Variants in WASL observed in about 807,000 individuals in gnomAD.
WASL encodes the protein actin nucleation-promoting factor WASL.
In WASL, 20 loss-of-function variants were observed where a neutral mutation model predicts 55.5. The observed-to-expected ratio is 0.36, with a 90% confidence interval of 0.25 to 0.52. The LOEUF is 0.52. Ranked by LOEUF, WASL falls within the 20% of genes least tolerant of loss-of-function variation. The pLI, the probability that WASL is intolerant of heterozygous loss-of-function variation, is 0.92. For missense variants in WASL, 504 were observed against 622.5 expected (o/e 0.81, Z 2.03); for synonymous variants, 249 against 217.6 (o/e 1.14, Z -1.27).
intron 1 of WASL, among the ~76,000 whole-genome samples, chr7:123,725,734 C>T (rs11770041): frequency 0.43 from 65,800 of 151,904 alleles, 14,796 homozygotes; most frequent in South Asian, 0.66. Context: ...GAGGTAGAAA[C>T]TCAAAGAACA....
intron 1 of WASL, among the ~76,000 whole-genome samples, chr7:123,729,892 T>C (rs1460105230): frequency 1.3e-5 from 2 of 152,094 alleles, no homozygotes; most frequent in African/African-American, 2.4e-5. Context: ...ATTAGGAGCA[T>C]GAAACAAGGC....
intron 1 of WASL, among the ~76,000 whole-genome samples, chr7:123,734,687 T>TA (rs1804197081): frequency 6.6e-6 from 1 of 151,760 alleles, no homozygotes; most frequent in Non-Finnish European, 1.5e-5. Flanking sequence ...GTAGGGCAGT[T>TA]AAACTATTCT....
chr7:123,739,859 C>A (rs1277072436), intron 1 of WASL, among the ~76,000 whole-genome samples: 2 of 148,520 alleles, frequency 1.3e-5, no homozygotes, highest in Admixed American at 6.8e-5. Flanking sequence ...TTATTCAAAT[C>A]TTTTATACAT....
At chr7:123,711,099 C>T (rs1803747722) in intron 1 of WASL, among the ~76,000 whole-genome samples, 2 of 152,086 alleles carry the variant, frequency 1.3e-5, no homozygotes, top group African/African-American at 4.8e-5. Flanking sequence ...CCCTACTTCG[C>T]TTTTTACCAG....
chr7:123,748,490 G>A (rs1422639551), intron 1 of WASL, 128 bp downstream of exon 1: 1 of 904,754 alleles, frequency 1.1e-6, no homozygotes, highest in Non-Finnish European at 1.6e-6. Context: ...GGCCGGGGCC[G>A]GGGCCGGGGC....
chr7:123,737,512 CT>C (rs1804255506), intron 1 of WASL, among the ~76,000 whole-genome samples: 1 of 148,468 alleles, frequency 6.7e-6, no homozygotes, highest in Admixed American at 6.9e-5. Context: ...AGGAGAATCT[CT>C]TGACCTGGGA....
At position 123,748,946 on chromosome 7, in the gene WASL, G is replaced by C. The variant is rs1165868406; in HGVS notation, c.-212C>G. 7 of 567,666 alleles carry C rather than the reference G, an allele frequency of 1.2e-5. No homozygotes were observed. Among genetic ancestry groups the C allele is most frequent in the Admixed American group, 3.3e-5 (1 of 30,298 alleles). 35.2% of individuals were successfully genotyped at this position (567,666 alleles called of 1,614,324 possible). ...CCGCGCTGAGAAAGGGAAGCTCCCG[G>C]CACCCGCCCGGCCAGGCTAGGGCCG... On this transcript the variant is annotated 5_prime_UTR_variant, in exon 1 of 11. Transcript: ENST00000223023.
chr7:123,733,065 TG>T (rs1176712197), intron 1 of WASL, among the ~76,000 whole-genome samples: 2 of 152,180 alleles, frequency 1.3e-5, no homozygotes, highest in African/African-American at 4.8e-5. Flanking sequence ...CCATACTTAC[TG>T]GAGAAAAAGT....
intron 1 of WASL, among the ~76,000 whole-genome samples, chr7:123,747,059 G>A (rs1804444358): frequency 6.6e-6 from 1 of 151,974 alleles, no homozygotes; most frequent in Non-Finnish European, 1.5e-5. Context: ...AGTTTTTGGT[G>A]AAAAAGGCAA....
chr7:123,706,774 C>T lies in WASL; in HGVS notation c.305G>A (p.Ser102Asn). The T allele has an allele frequency of 6.3e-7, 1 of 1,579,798 alleles. No homozygotes were observed. Among genetic ancestry groups the T allele is most frequent in the Non-Finnish European group, 8.6e-7 (1 of 1,168,876 alleles). ...QELYNNFVYN[S>N]PRGYFHTFAG... The stretch of plus-strand genomic sequence containing the variant: ...AAAGGTATGAAAATATCCTCTAGGA[C>T]TATTATATACAAAGTTATTGTATAG... Residue 102 changes from serine (S) to asparagine (N), a missense_variant, in exon 3 of 11, where the codon AGT becomes AAT. Around this residue, in one of 5 missense-constraint regions of WASL, gnomAD observed 230 missense variants for 271.9 expected, o/e 0.85. Transcript: ENST00000223023.
At chr7:123,722,025 G>GGGAGGGTACTGTTAGTTTCTGGACTCATC (rs1213545748) in intron 1 of WASL, among the ~76,000 whole-genome samples, 18 of 152,094 alleles carry the variant, frequency 1.2e-4, no homozygotes, top group African/African-American at 4.3e-4. Context: ...AGGGGCAGGC[G>GGGAGGGTACTGTTAGTTTCTGGACTCATC]GGAGGGTACT....
At chr7:123,720,406 C>A (rs1349177938) in intron 1 of WASL, 1 of 431,050 alleles carries the variant, frequency 2.3e-6, no homozygotes, top group East Asian at 7.0e-5. Context: ...ACACTGTTAT[C>A]TGAATAAAAG....
chr7:123,733,150 A>C (rs1301714365), intron 1 of WASL, among the ~76,000 whole-genome samples: 2 of 152,204 alleles, frequency 1.3e-5, no homozygotes, highest in Non-Finnish European at 2.9e-5. Context: ...ATATCCTTCT[A>C]GAAGTTCTAG....
intron 10 of WASL, 67 bp from the exon 11 acceptor site, chr7:123,684,647 G>A: frequency 3.5e-6 from 5 of 1,449,084 alleles, no homozygotes; most frequent in South Asian, 1.4e-5. Context: ...TTCTTGGGTG[G>A]TTTCTCCAAT....
At chr7:123,721,730 T>C (rs955115341) in intron 1 of WASL, among the ~76,000 whole-genome samples, 1 of 152,090 alleles carries the variant, frequency 6.6e-6, no homozygotes, top group Admixed American at 6.6e-5. Flanking sequence ...ATGTCCAACA[T>C]GATGAAACCC....
At chr7:123,730,744 G>A (rs1019730448) in intron 1 of WASL, among the ~76,000 whole-genome samples, 13 of 151,972 alleles carry the variant, frequency 8.6e-5, no homozygotes, top group African/African-American at 3.1e-4. Context: ...TGTCAGAATG[G>A]GTTAAAAAAT....
intron 1 of WASL, among the ~76,000 whole-genome samples, chr7:123,744,756 T>G (rs1804403228): frequency 1.3e-5 from 2 of 152,176 alleles, no homozygotes; most frequent in Non-Finnish European, 2.9e-5. Flanking sequence ...TTAGCAAAAC[T>G]GCACATACTC....
chr7:123,704,790 C>T lies in WASL; in HGVS notation c.437-133G>A, dbSNP rs1050334705. On this transcript the variant is annotated intron_variant, in intron 4 of 10. Coordinates refer to ENST00000223023, the MANE Select transcript of WASL (RefSeq NM_003941.4). ...ACTAAGGAAGATTTTTCAGAAGACC[C>T]GACATTTAAGTAGAGATCTAAATAA... The T allele has an allele frequency of 6.9e-5, 34 of 493,518 alleles. No individual in the cohort carries two copies. The Admixed American group carries it at 1.0e-3, about 15-fold the overall frequency. 30.6% of individuals were successfully genotyped at this position (493,518 alleles called of 1,614,324 possible).
intron 1 of WASL, among the ~76,000 whole-genome samples, chr7:123,736,001 A>G (rs904067051): frequency 5.3e-5 from 8 of 152,160 alleles, no homozygotes; most frequent in Admixed American, 1.3e-4. Flanking sequence ...AACTAGTAAT[A>G]AAGCGAAAAA....
Sources: allele counts gnomAD v4.1 joint callset (sites outside exome capture counted in the v4.1 genomes callset), GRCh38; gene constraint gnomAD v4.1.1; regional missense constraint gnomAD v4.1.1; transcripts MANE v1.5; gene names NCBI Gene and HGNC (gene_info 2026-07-23, HGNC 2026-07-21).